The following ARMH3 variants were observed in gnomAD, a reference collection of about 807,000 sequenced individuals.
The protein encoded by ARMH3 is armadillo like helical domain containing 3.
A neutral mutation model predicts 99.1 loss-of-function variants in ARMH3; 60 were observed. The ratio of observed to expected loss-of-function variants is 0.61; its 90% confidence interval spans 0.49 to 0.75. The LOEUF (loss-of-function observed/expected upper bound fraction) is 0.75, where lower values mean the gene tolerates loss of function less well. Ranked by LOEUF, ARMH3 falls within the 30% of genes least tolerant of loss-of-function variation. The probability of loss-of-function intolerance (pLI) is 0.00; values close to 1 mark genes in which losing one functional copy is unlikely to be tolerated. For missense variants in ARMH3, 679 were observed against 843.1 expected (o/e 0.81, Z 2.41); for synonymous variants, 285 against 292.8 (o/e 0.97, Z 0.27).
At chr10:101,885,481 T>C (rs2067517633) in intron 24 of ARMH3, among the ~76,000 whole-genome samples, 2 of 152,160 alleles carry the variant, frequency 1.3e-5, no homozygotes, top group African/African-American at 4.8e-5. Flanking sequence ...CATGGTACAA[T>C]ATGGATGAAT....
chr10:101,991,914 C>CA, intron 18 of ARMH3, 55 bp downstream of exon 18: 1 of 1,476,916 alleles, frequency 6.8e-7, no homozygotes, highest in Non-Finnish European at 9.5e-7. Context: ...TCATCTTCAT[C>CA]ATGAAAGCCT....
intron 17 of ARMH3, among the ~76,000 whole-genome samples, 196 bp downstream of exon 17, chr10:101,993,342 C>T (rs556804421): frequency 3.1e-4 from 46 of 150,734 alleles, no homozygotes; most frequent in Non-Finnish European, 5.3e-4. Context: ...TCTTCCAAAA[C>T]TCTTGATTAA....
chr10:101,978,674 C>T (rs550005855), intron 19 of ARMH3, among the ~76,000 whole-genome samples: 10 of 152,198 alleles, frequency 6.6e-5, no homozygotes, highest in African/African-American at 2.2e-4. Flanking sequence ...GGCGCAGTAG[C>T]TCATGCCTTG....
intron 23 of ARMH3, among the ~76,000 whole-genome samples, chr10:101,902,405 AC>A (rs1224393914): frequency 6.6e-6 from 1 of 152,154 alleles, no homozygotes; most frequent in African/African-American, 2.4e-5. Flanking sequence ...AGAAACCGAT[AC>A]ATCTCTAACT....
chr10:101,944,777 A>G (rs948089089), intron 22 of ARMH3, among the ~76,000 whole-genome samples: 2 of 151,910 alleles, frequency 1.3e-5, no homozygotes, highest in Non-Finnish European at 2.9e-5. Context: ...TGGCACTACT[A>G]TGCTCCAGTC....
chr10:101,856,140 G>A (rs886065315), intron 24 of ARMH3, among the ~76,000 whole-genome samples: 1 of 152,140 alleles, frequency 6.6e-6, no homozygotes, highest in African/African-American at 2.4e-5. Flanking sequence ...GTGAAGCCTT[G>A]ATTTGCTGTT....
intron 23 of ARMH3, among the ~76,000 whole-genome samples, chr10:101,907,403 G>A (rs1189989809): frequency 6.8e-6 from 1 of 146,428 alleles, no homozygotes; most frequent in Non-Finnish European, 1.5e-5. Flanking sequence ...TTTTTTTTGA[G>A]ACAGGGTCTC....
At chr10:102,043,013 G>A (rs539005163) in intron 1 of ARMH3, among the ~76,000 whole-genome samples, 74 of 152,258 alleles carry the variant, frequency 4.9e-4, no homozygotes, top group East Asian at 5.8e-4. Flanking sequence ...TAGAGGTTGC[G>A]GTGAGACGAG....
At chr10:102,050,057 C>T (rs1450346230) in intron 1 of ARMH3, among the ~76,000 whole-genome samples, 1 of 150,798 alleles carries the variant, frequency 6.6e-6, no homozygotes, top group African/African-American at 2.4e-5. Context: ...GCACGAGAAT[C>T]GCTTGAACCC....
intron 23 of ARMH3, among the ~76,000 whole-genome samples, chr10:101,900,998 A>C (rs2067961382): frequency 6.6e-6 from 1 of 151,894 alleles, no homozygotes; most frequent in South Asian, 2.1e-4. Context: ...AATAAAGGGA[A>C]ATTATTTTAG....
intron 20 of ARMH3, among the ~76,000 whole-genome samples, chr10:101,967,969 G>A (rs1325056066): frequency 6.6e-6 from 1 of 151,844 alleles, no homozygotes; most frequent in Non-Finnish European, 1.5e-5. Context: ...GTCAGAAATA[G>A]AACAAATCCT....
At chr10:101,977,390 T>C (rs926245397) in intron 19 of ARMH3, among the ~76,000 whole-genome samples, 3 of 152,174 alleles carry the variant, frequency 2.0e-5, no homozygotes, top group Non-Finnish European at 4.4e-5. Flanking sequence ...AGGTAAATAC[T>C]GATGAAACTT....
chr10:101,909,293 G>A (rs1250466943), intron 23 of ARMH3, among the ~76,000 whole-genome samples: 2 of 151,576 alleles, frequency 1.3e-5, no homozygotes, highest in Non-Finnish European at 2.9e-5. Context: ...TGTAATCCCA[G>A]TTATTCAGAA....
At chr10:101,916,047 G>A (rs911902957) in intron 23 of ARMH3, among the ~76,000 whole-genome samples, 7 of 151,898 alleles carry the variant, frequency 4.6e-5, no homozygotes, top group African/African-American at 7.3e-5. Context: ...CTCGTGATCC[G>A]CCCGCCCCGG....
chr10:101,890,107 G>A (rs1188493968), intron 23 of ARMH3, among the ~76,000 whole-genome samples: 1 of 151,942 alleles, frequency 6.6e-6, no homozygotes, highest in Non-Finnish European at 1.5e-5. Context: ...CAGTGCCTTG[G>A]TATAGGTCTT....
intron 24 of ARMH3, among the ~76,000 whole-genome samples, chr10:101,884,729 T>G (rs1056623534): frequency 6.6e-6 from 1 of 152,064 alleles, no homozygotes; most frequent in African/African-American, 2.4e-5. Flanking sequence ...CTTCTTGGAC[T>G]TCTTGGATTT....
intron 23 of ARMH3, among the ~76,000 whole-genome samples, chr10:101,902,518 A>G (rs181002279): frequency 2.6e-5 from 4 of 152,258 alleles, no homozygotes; most frequent in African/African-American, 4.8e-5. Context: ...CTTGTGACAG[A>G]AAATGATGTT....
At chr10:102,004,848 T>A (rs969108422) in intron 14 of ARMH3, among the ~76,000 whole-genome samples, 1 of 151,970 alleles carries the variant, frequency 6.6e-6, no homozygotes, top group Non-Finnish European at 1.5e-5. Flanking sequence ...GGCAGGCGGA[T>A]CACCTGAGGT....
At chr10:101,995,156 C>T (rs1846997864) in intron 16 of ARMH3, 141 bp downstream of exon 16, 5 of 715,234 alleles carry the variant, frequency 7.0e-6, no homozygotes, top group Non-Finnish European at 1.2e-5. Flanking sequence ...TGGGAGAAGA[C>T]AGATAATACA....
Sources: gnomAD v4.1 joint callset for allele counts (sites outside exome capture counted in the v4.1 genomes callset) on GRCh38, gnomAD v4.1.1 for gene constraint, MANE v1.5 for transcripts, NCBI Gene and HGNC (gene_info 2026-07-23, HGNC 2026-07-21) for gene names.